The following TYW1B variants were observed in gnomAD, a reference collection of about 807,000 sequenced individuals.
The protein encoded by TYW1B is S-adenosyl-L-methionine-dependent tRNA 4-demethylwyosine synthase TYW1B.
In TYW1B, 73 loss-of-function variants were observed where a neutral mutation model predicts 86.9. That is an observed-to-expected ratio of 0.84 (90% CI 0.70 to 1.02). The LOEUF is 1.02. TYW1B is among the 50% of genes least tolerant of loss of function. The pLI is 0.00. For synonymous variants in TYW1B, 248 were observed against 292.8 expected (o/e 0.85, Z 1.56); for missense variants, 637 against 827.4 (o/e 0.77, Z 2.82).
intron 12 of TYW1B, among the ~76,000 whole-genome samples, chr7:72,627,471 A>G (rs1172520996): frequency 9.8e-5 from 12 of 121,922 alleles, no homozygotes; most frequent in African/African-American, 4.0e-4. Flanking sequence ...ATAACATAAC[A>G]TAACATAACA....
At chr7:72,738,009 T>C (rs1314920896) in intron 8 of TYW1B, among the ~76,000 whole-genome samples, 4 of 151,570 alleles carry the variant, frequency 2.6e-5, no homozygotes, top group Admixed American at 6.6e-5. Flanking sequence ...CTCCTGACCT[T>C]GTGATCTGCC....
intron 6 of TYW1B, among the ~76,000 whole-genome samples, chr7:72,782,729 T>C (rs1268854091): frequency 6.6e-6 from 1 of 151,872 alleles, no homozygotes; most frequent in East Asian, 1.9e-4. Flanking sequence ...ATACAAAAAT[T>C]AGCCAGGCAT....
chr7:72,791,421 A>G (rs1429794593), intron 6 of TYW1B, among the ~76,000 whole-genome samples: 1 of 152,192 alleles, frequency 6.6e-6, no homozygotes, highest in East Asian at 1.9e-4. Context: ...CTCAAAAAAA[A>G]AAAAAAAAAA....
intron 13 of TYW1B, among the ~76,000 whole-genome samples, chr7:72,610,768 C>T (rs1811916049): frequency 1.3e-5 from 2 of 152,220 alleles, no homozygotes; most frequent in Non-Finnish European, 2.9e-5. Flanking sequence ...CACAACACCA[C>T]AGCTGGCTAT....
chr7:72,784,594 C>T (rs1205492289), intron 6 of TYW1B, among the ~76,000 whole-genome samples: 1 of 152,120 alleles, frequency 6.6e-6, no homozygotes, highest in Non-Finnish European at 1.5e-5. Flanking sequence ...ATCTCTCAGG[C>T]TCAAGCGATT....
At position 72,704,698 on chromosome 7, in the gene TYW1B, T is replaced by C. The variant is rs181319198; in HGVS notation, c.1370+8923A>G. 7.2e-5 allele frequency among the ~76,000 whole-genome samples: 11 copies of C among 152,280 alleles called. 1 individual carries two copies. The East Asian group carries it at 2.1e-3, about 29-fold the overall frequency. On this transcript the variant is annotated intron_variant, in intron 10 of 13. Transcript: ENST00000620995. ...CCAAAGGTGAAACTTCCGTGTTTCA[T>C]GTCTTATCTCACATACTCGCAATGC...
intron 12 of TYW1B, among the ~76,000 whole-genome samples, chr7:72,622,984 T>C (rs1812261065): frequency 6.6e-6 from 1 of 152,158 alleles, no homozygotes; most frequent in African/African-American, 2.4e-5. Flanking sequence ...GTTAAGATGA[T>C]TTTTCCTTTG....
rs1156757576 is a variant in TYW1B at position 72,790,109 on chromosome 7, G to A, written c.846+12291C>T. ...ATTACAGGCATGCACCACCACGCCT[G>A]GCTAATTTTTTTTTTTTTATTTAGT... On this transcript the variant is annotated intron_variant, in intron 6 of 13. Coordinates refer to ENST00000620995, the MANE Select transcript of TYW1B (RefSeq NM_001145440.3). Among the ~76,000 whole-genome samples the A allele has an allele frequency of 4.6e-5, 7 of 151,610 alleles. No homozygotes were observed. In the South Asian group the frequency reaches 1.5e-3, roughly 32 times the overall value.
intron 7 of TYW1B, among the ~76,000 whole-genome samples, chr7:72,745,373 T>C (rs549595291): frequency 6.6e-6 from 1 of 152,230 alleles, no homozygotes; most frequent in African/African-American, 2.4e-5. Context: ...GCAGCAGGTA[T>C]ACAAGAAATA....
intron 6 of TYW1B, among the ~76,000 whole-genome samples, chr7:72,779,693 G>T (rs1554471306): frequency 8.2e-6 from 1 of 122,228 alleles, no homozygotes; most frequent in Non-Finnish European, 1.6e-5. Context: ...CTCCAGCCTG[G>T]GCGACAGAGA....
Position 72,639,243 on chromosome 7 carries a change from A to T in TYW1B, c.1507-10246T>A, listed in dbSNP as rs1203011757. On this transcript the variant is annotated intron_variant, in intron 11 of 13. Coordinates refer to ENST00000620995, the MANE Select transcript of TYW1B (RefSeq NM_001145440.3). Reference sequence around the variant, plus strand: ...ATAATGGTATTGTGTTTATTTTTTTAAATTTTTTTTAAATTTTTTGTTTTT... The same window carrying T: ...ATAATGGTATTGTGTTTATTTTTTTTAATTTTTTTTAAATTTTTTGTTTTT... Among the ~76,000 whole-genome samples, 12 of 147,084 alleles carry T rather than the reference A, an allele frequency of 8.2e-5. 2 individuals carry two copies. Among genetic ancestry groups the T allele is most frequent in the South Asian group, 2.1e-4 (1 of 4,778 alleles).
chr7:72,713,899 T>C, intron 9 of TYW1B, 101 bp from the exon 10 acceptor site: 1 of 1,144,550 alleles, frequency 8.7e-7, no homozygotes, highest in Non-Finnish European at 1.2e-6. Flanking sequence ...AATTCATTTT[T>C]GATACCAAAG....
chr7:72,582,422 C>G (rs1811176748), intron 13 of TYW1B, among the ~76,000 whole-genome samples: 1 of 152,242 alleles, frequency 6.6e-6, no homozygotes, highest in African/African-American at 2.4e-5. Flanking sequence ...GACAGTAGGT[C>G]CAACCTCAAA....
At chr7:72,827,649 T>C (rs545864013) in intron 1 of TYW1B, among the ~76,000 whole-genome samples, 1 of 152,284 alleles carries the variant, frequency 6.6e-6, no homozygotes, top group South Asian at 2.1e-4. Context: ...AAAGTATTCT[T>C]TTTACTAACT....
chr7:72,607,578 A>G (rs1811833567), intron 13 of TYW1B, among the ~76,000 whole-genome samples: 1 of 152,052 alleles, frequency 6.6e-6, no homozygotes, highest in South Asian at 2.1e-4. Flanking sequence ...AAATACAATA[A>G]CTAAAATAAT....
At chr7:72,624,396 A>G (rs1812291635) in intron 12 of TYW1B, among the ~76,000 whole-genome samples, 1 of 152,262 alleles carries the variant, frequency 6.6e-6, no homozygotes, top group Non-Finnish European at 1.5e-5. Context: ...CTTTTCTTAC[A>G]TAAATACATC....
chr7:72,599,300 C>A (rs1811603566), intron 13 of TYW1B, among the ~76,000 whole-genome samples: 1 of 152,104 alleles, frequency 6.6e-6, no homozygotes, highest in Non-Finnish European at 1.5e-5. Context: ...ATGATCTTAT[C>A]AATAGTTGAA....
rs1269838369 is a variant in TYW1B at position 72,694,596 on chromosome 7, C to T, written c.1506+91G>A. The T allele has an allele frequency of 2.2e-6, 3 of 1,356,670 alleles. No homozygotes were observed. In the East Asian group the frequency reaches 8.1e-5, roughly 37 times the overall value. 84.0% of individuals were successfully genotyped at this position (1,356,670 alleles called of 1,614,324 possible). A position where few individuals can be genotyped will look rare whatever the true frequency, so the allele number is the denominator to read the frequency against. ...TTTAAAGAGAAAAGAGGAAAAAGTA[C>T]CTCTGTTCTTTTCTTCCATCTTTCT... On this transcript the variant is annotated intron_variant, in intron 11 of 13. Transcript: ENST00000620995.
rs868972427 is a variant in TYW1B, at chr7:72,773,253, T to C, written c.964+4163A>G. Among the ~76,000 whole-genome samples the C allele has an allele frequency of 4.6e-5, 7 of 152,188 alleles. 1 individual carries two copies. The highest frequency in any genetic ancestry group is 1.0e-4 in the Non-Finnish European group (7 of 68,030). ...ACAAATATAAGCCAACAGTGTACAG[T>C]TGCTGAAAATCATAGTGTGGAATTC... On this transcript the variant is annotated intron_variant, in intron 7 of 13. Coordinates refer to ENST00000620995, the MANE Select transcript of TYW1B (RefSeq NM_001145440.3).
Sources: allele counts gnomAD v4.1 joint callset (sites outside exome capture counted in the v4.1 genomes callset), GRCh38; gene constraint gnomAD v4.1.1; transcripts MANE v1.5; gene names NCBI Gene and HGNC (gene_info 2026-07-23, HGNC 2026-07-21).